The following IMMP2L variants were observed in gnomAD, a reference collection of about 807,000 sequenced individuals.
IMMP2L encodes the protein inner mitochondrial membrane peptidase subunit 2, also known as mitochondrial inner membrane protease subunit 2.
In IMMP2L, 18 loss-of-function variants were observed where a neutral mutation model predicts 19.3. That is an observed-to-expected ratio of 0.93 (90% CI 0.64 to 1.38). The LOEUF is 1.38. Among genes scored for constraint, IMMP2L ranks in the 40% most tolerant of loss-of-function variants. The pLI is 0.00. For missense variants in IMMP2L, 233 were observed against 218.2 expected, an observed-to-expected ratio of 1.07 and a Z score of -0.43; for synonymous variants, 76 against 73.0, an observed-to-expected ratio of 1.04 and a Z score of -0.21.
chr7:111,196,187 AC>A (rs1431022903), intron 3 of IMMP2L, among the ~76,000 whole-genome samples: 1 of 152,164 alleles, frequency 6.6e-6, no homozygotes, highest in Non-Finnish European at 1.5e-5. Flanking sequence ...TAATTTTTAA[AC>A]TAAGATTATT....
At chr7:111,281,140 C>A (rs10256788) in intron 3 of IMMP2L, among the ~76,000 whole-genome samples, 47 of 60,756 alleles carry the variant, frequency 7.7e-4, no homozygotes, top group African/African-American at 3.0e-3. Context: ...GAGAGAAAGA[C>A]AGAAAGACAG....
chr7:111,153,140 T>C (rs1452024634), intron 3 of IMMP2L, among the ~76,000 whole-genome samples: 2 of 152,260 alleles, frequency 1.3e-5, no homozygotes, highest in Middle Eastern at 6.8e-3. Context: ...TACTGCCTTA[T>C]GGCAAATAGC....
rs1362275641 is a variant in IMMP2L, at chr7:111,313,475, AACC to A, written c.239+173760_239+173762del. Among the ~76,000 whole-genome samples, 6 of 152,274 alleles carry A rather than the reference AACC, an allele frequency of 3.9e-5. No homozygotes were observed. In the East Asian group the frequency reaches 1.2e-3, roughly 29 times the overall value. On this transcript the variant is annotated intron_variant, in intron 3 of 5. Coordinates refer to ENST00000405709, the MANE Select transcript of IMMP2L (RefSeq NM_032549.4). Reference sequence around the variant, plus strand: ...CAGAATGTGATGCATTTTATCTTCTAACCATTTATAAAATAAATTAAATATATG... The same window carrying A: ...CAGAATGTGATGCATTTTATCTTCTAATTTATAAAATAAATTAAATATATG...
chr7:110,787,655 C>A (rs982387848), intron 5 of IMMP2L, among the ~76,000 whole-genome samples: 11 of 151,756 alleles, frequency 7.2e-5, no homozygotes, highest in African/African-American at 2.4e-4. Context: ...GGATGCTAAG[C>A]CAAAACAAAA....
intron 3 of IMMP2L, among the ~76,000 whole-genome samples, chr7:111,206,634 C>A (rs999565670): frequency 6.6e-6 from 1 of 152,050 alleles, no homozygotes; most frequent in Non-Finnish European, 1.5e-5. Context: ...AAGCATTTAT[C>A]ATTTATGTTA....
intron 3 of IMMP2L, among the ~76,000 whole-genome samples, chr7:111,051,158 CT>C (rs1218009672): frequency 6.6e-6 from 1 of 152,048 alleles, no homozygotes; most frequent in East Asian, 1.9e-4. Context: ...AATAAACAAA[CT>C]TTTTTTTATG....
intron 3 of IMMP2L, among the ~76,000 whole-genome samples, chr7:111,399,015 G>C (rs1833166252): frequency 6.6e-6 from 1 of 152,078 alleles, no homozygotes; most frequent in East Asian, 1.9e-4. Context: ...CATGCTCATG[G>C]ATGGGTAGAA....
intron 5 of IMMP2L, among the ~76,000 whole-genome samples, chr7:110,762,753 C>G (rs745812231): frequency 6.6e-6 from 1 of 152,004 alleles, no homozygotes; most frequent in East Asian, 1.9e-4. Flanking sequence ...GGACACATGC[C>G]CAGAAGCTAG....
chr7:111,075,239 G>T (rs1731125024), intron 3 of IMMP2L, among the ~76,000 whole-genome samples: 1 of 143,814 alleles, frequency 7.0e-6, no homozygotes, highest in African/African-American at 2.6e-5. Context: ...TGATTCTCCT[G>T]TCTCAGCCTC....
intron 3 of IMMP2L, among the ~76,000 whole-genome samples, chr7:111,320,104 GC>G (rs1824526647): frequency 1.3e-5 from 2 of 151,994 alleles, no homozygotes; most frequent in Non-Finnish European, 2.9e-5. Flanking sequence ...TTGATCCCCA[GC>G]CATAAGTCAA....
intron 3 of IMMP2L, among the ~76,000 whole-genome samples, chr7:111,284,059 T>TCAG (rs1174679052): frequency 6.6e-6 from 1 of 151,986 alleles, no homozygotes; most frequent in Non-Finnish European, 1.5e-5. Context: ...TATTACCATT[T>TCAG]TCTCCTCAGT....
chr7:111,487,388 A>G (rs768030508), intron 2 of IMMP2L, 47 bp from the exon 3 acceptor site: 21 of 1,126,032 alleles, frequency 1.9e-5, no homozygotes, highest in Middle Eastern at 1.9e-4. Flanking sequence ...GTATTTTTCA[A>G]TCTTCATGGT....
rs1811514324 is a variant in IMMP2L at position 111,213,144 on chromosome 7, A to T, written c.240-249579T>A. Among the ~76,000 whole-genome samples the T allele has an allele frequency of 6.6e-6, 1 of 152,218 alleles. No individual in the cohort carries two copies. Reference sequence around the variant, plus strand: ...AGGCCCCCTGTCTCTGCAGGCTCAGAGGTGCCTGCTGTCACTGCCTCGCCT... The same window carrying T: ...AGGCCCCCTGTCTCTGCAGGCTCAGTGGTGCCTGCTGTCACTGCCTCGCCT... On this transcript the variant is annotated intron_variant, in intron 3 of 5. Transcript: ENST00000405709. The surrounding 1 kb of genome is among the most constrained non-coding windows in gnomAD (Gnocchi z 4.8).
intron 1 of IMMP2L, among the ~76,000 whole-genome samples, chr7:111,561,028 G>A (rs1262784745): frequency 6.6e-6 from 1 of 152,110 alleles, no homozygotes; most frequent in East Asian, 1.9e-4. Context: ...AATTTAAAAC[G>A]GTTATTTATA....
chr7:110,945,125 T>C (rs1188852760), intron 4 of IMMP2L, among the ~76,000 whole-genome samples: 2 of 151,722 alleles, frequency 1.3e-5, no homozygotes, highest in East Asian at 3.9e-4. Flanking sequence ...AAATGCAAAC[T>C]ATAGGTATGG....
At chr7:111,030,322 A>C (rs1436267682) in intron 3 of IMMP2L, among the ~76,000 whole-genome samples, 1 of 151,202 alleles carries the variant, frequency 6.6e-6, no homozygotes, top group Non-Finnish European at 1.5e-5. Flanking sequence ...GATGCTACTT[A>C]AAAAAAAACT....
chr7:111,106,101 C>T (rs1009579209), intron 3 of IMMP2L, among the ~76,000 whole-genome samples: 7 of 152,034 alleles, frequency 4.6e-5, no homozygotes, highest in Non-Finnish European at 5.9e-5. Flanking sequence ...AGCAGAGGAC[C>T]TTAGAACATA....
At chr7:110,825,929 A>C (rs1236354703) in intron 5 of IMMP2L, among the ~76,000 whole-genome samples, 1 of 152,196 alleles carries the variant, frequency 6.6e-6, no homozygotes, top group South Asian at 2.1e-4. Context: ...AATTTTCGCA[A>C]TCTGGTCATC....
chr7:110,920,177 T>C (rs186874997), intron 4 of IMMP2L, among the ~76,000 whole-genome samples: 1 of 152,296 alleles, frequency 6.6e-6, no homozygotes, highest in Admixed American at 6.5e-5. Flanking sequence ...AGACAGCCTA[T>C]CGTGGCCTGT....
Sources: gnomAD v4.1 joint callset for allele counts (sites outside exome capture counted in the v4.1 genomes callset) on GRCh38, gnomAD v4.1.1 for gene constraint, Gnocchi (gnomAD v3.1) non-coding constraint, MANE v1.5 for transcripts, NCBI Gene and HGNC (gene_info 2026-07-23, HGNC 2026-07-21) for gene names.